Variants in SMARCA4 observed in about 807,000 individuals in gnomAD.
The protein encoded by SMARCA4 is SWI/SNF-related matrix-associated actin-dependent regulator of chromatin subfamily A member 4.
In SMARCA4, 31 loss-of-function variants were observed where a neutral mutation model predicts 193.9. The observed-to-expected ratio is 0.16, with a 90% confidence interval of 0.12 to 0.22. The LOEUF is 0.22. Ranked by LOEUF, SMARCA4 falls within the 10% of genes least tolerant of loss-of-function variation. SMARCA4 has a pLI of 1.00. For missense variants in SMARCA4, 1,148 were observed against 2,296.0 expected (o/e 0.50, Z 10.22); for synonymous variants, 942 against 933.1 (o/e 1.01, Z -0.17).
intron 13 of SMARCA4, among the ~76,000 whole-genome samples, chr19:11,004,470 C>T (rs909832408): frequency 1.3e-5 from 2 of 152,280 alleles, no homozygotes; most frequent in South Asian, 2.1e-4. Context: ...AGGCTGGTCT[C>T]GAACTGCTGA....
rs1270959049 is a variant in SMARCA4 at position 11,013,038 on chromosome 19, G to A, written c.2364G>A (p.Gln788=). ...ADEMGLGKTI[Q]TIALITYLME... ...AGATGGGCCTGGGGAAGACCATCCA[G>A]ACCATCGCGCTCATCACGTACCTCA... Residue 788 remains glutamine (Q), a synonymous_variant, in exon 16 of 35, where the codon CAG becomes CAA. Coordinates refer to ENST00000344626, the MANE Select transcript of SMARCA4 (RefSeq NM_003072.5). 1 of 1,614,180 alleles carries A rather than the reference G, an allele frequency of 6.2e-7. No individual in the cohort carries two copies. The highest frequency in any genetic ancestry group is 1.7e-5 in the Admixed American group (1 of 60,024).
At chr19:11,022,744 G>A (rs1228391290) in intron 19 of SMARCA4, among the ~76,000 whole-genome samples, 4 of 152,120 alleles carry the variant, frequency 2.6e-5, no homozygotes, top group South Asian at 4.1e-4. Context: ...CTGCCCTCTC[G>A]GCTGCTGGTC....
intron 11 of SMARCA4, 133 bp downstream of exon 11, chr19:10,996,677 C>T (rs1312433936): frequency 2.3e-6 from 2 of 873,786 alleles, no homozygotes; most frequent in Non-Finnish European, 3.8e-6. Context: ...CCAGGGTGTC[C>T]TCTGACGCCC....
At chr19:11,005,540 T>G (rs1248752724) in intron 13 of SMARCA4, among the ~76,000 whole-genome samples, 1 of 152,176 alleles carries the variant, frequency 6.6e-6, no homozygotes, top group Non-Finnish European at 1.5e-5. Flanking sequence ...CTTTGCTGAG[T>G]CCTTTGGCGT....
intron 1 of SMARCA4, among the ~76,000 whole-genome samples, chr19:10,970,925 A>T (rs117239870): frequency 0.025 from 3,777 of 152,250 alleles, 78 homozygotes; most frequent in Non-Finnish European, 0.041. Flanking sequence ...TGGGCCAGGC[A>T]CGGTGGCTCA....
Position 10,987,528 on chromosome 19 carries a change from A to G in SMARCA4, c.860-138A>G. 3 of 938,622 alleles carry G rather than the reference A, an allele frequency of 3.2e-6. 1 individual carries two copies. The South Asian group carries it at 4.4e-5, about 14-fold the overall frequency. The allele number at this position is 938,622 out of a possible 1,614,324, so 58.1% of individuals were successfully genotyped here. A position where few individuals can be genotyped will look rare whatever the true frequency, so the allele number is the denominator to read the frequency against. ...TTGGAGCCCAAGGCAGGTGTGAAGG[A>G]CACCCCTGGGTGAAAGGTGGGAGAT... On this transcript the variant is annotated intron_variant, in intron 5 of 34. Transcript: ENST00000344626. The surrounding 1 kb of genome is among the most constrained non-coding windows in gnomAD (Gnocchi z 5.3).
intron 1 of SMARCA4, among the ~76,000 whole-genome samples, chr19:10,972,035 A>G (rs1408523462): frequency 6.7e-6 from 1 of 149,872 alleles, no homozygotes; most frequent in Non-Finnish European, 1.5e-5. Context: ...AGCTCACTGC[A>G]ACCTCCGCCT....
chr19:11,018,872 C>A (rs1348631866), intron 16 of SMARCA4, 85 bp from the exon 17 acceptor site: 2 of 1,148,156 alleles, frequency 1.7e-6, no homozygotes, highest in South Asian at 1.2e-5. Context: ...GTTGGCCTCG[C>A]CCCTGACAGC....
intron 30 of SMARCA4, among the ~76,000 whole-genome samples, chr19:11,051,040 A>C (rs1600557631): frequency 6.6e-6 from 1 of 152,362 alleles, no homozygotes; most frequent in African/African-American, 2.4e-5. Context: ...TAACCATGGC[A>C]GAGGGCTCAG....
intron 30 of SMARCA4, among the ~76,000 whole-genome samples, chr19:11,047,062 C>G (rs1222713174): frequency 1.3e-5 from 2 of 151,304 alleles, no homozygotes; most frequent in African/African-American, 4.9e-5. Flanking sequence ...ATATTCTTAA[C>G]TAAATTTGAA....
At chr19:10,995,193 A>G (rs1285507902) in intron 9 of SMARCA4, 192 bp downstream of exon 9, 2 of 693,356 alleles carry the variant, frequency 2.9e-6, no homozygotes, top group African/African-American at 1.8e-5. Flanking sequence ...TCTGATCATC[A>G]GAATGACTGT....
At position 11,025,490 on chromosome 19, in the gene SMARCA4, C is replaced by T. The variant is rs143160246; in HGVS notation, c.3150C>T (p.Tyr1050=). Residue 1050 remains tyrosine (Y), a synonymous_variant, in exon 22 of 35, where the codon TAC becomes TAT. Coordinates refer to ENST00000344626, the MANE Select transcript of SMARCA4 (RefSeq NM_003072.5). ...MQLRKICNHP[Y]MFQHIEESFS... ...TGCGGAAGATCTGCAACCACCCCTA[C>T]ATGTTCCAGCACATCGAGGTGAGCC... 6.0e-5 allele frequency: 96 copies of T among 1,612,982 alleles called. No individual in the cohort carries two copies. Among genetic ancestry groups the T allele is most frequent in the Non-Finnish European group, 7.9e-5 (93 of 1,179,842 alleles).
At chr19:11,061,667 T>C (rs952530072) in intron 34 of SMARCA4, 117 bp from the exon 35 acceptor site, 55 of 1,016,696 alleles carry the variant, frequency 5.4e-5, no homozygotes, top group Admixed American at 1.2e-4. Context: ...TGAGCCACCG[T>C]GCCCGGCCCA....
At chr19:11,040,519 G>GA (rs1376944136) in intron 29 of SMARCA4, 1 of 150,834 alleles carries the variant, frequency 6.6e-6, no homozygotes, top group East Asian at 1.9e-4. Flanking sequence ...TTGAACCCAG[G>GA]AGGCGGAGGT....
At chr19:10,980,048 C>G (rs1405459588) in intron 1 of SMARCA4, among the ~76,000 whole-genome samples, 1 of 152,204 alleles carries the variant, frequency 6.6e-6, no homozygotes, top group African/African-American at 2.4e-5. Flanking sequence ...TCGGCCAGTG[C>G]TTGTTCAAGT....
chr19:11,009,846 GC>G (rs1411550406), intron 14 of SMARCA4, among the ~76,000 whole-genome samples: 1 of 151,986 alleles, frequency 6.6e-6, no homozygotes, highest in Admixed American at 6.6e-5. Context: ...CTGCCACCAC[GC>G]CCGGCTAATT....
In SMARCA4 at chr19:11,033,089, T is replaced by C; in HGVS notation, c.3547-201T>C. The C allele has an allele frequency of 1.5e-6, 1 of 652,442 alleles. No individual in the cohort carries two copies. The highest frequency in any genetic ancestry group is 1.8e-5 in the African/African-American group (1 of 56,236). The allele number at this position is 652,442 out of a possible 1,614,324, so 40.4% of individuals were successfully genotyped here. A position where few individuals can be genotyped will look rare whatever the true frequency, so the allele number is the denominator to read the frequency against. The stretch of plus-strand genomic sequence containing the variant: ...AGGTGGCACTTCTGGAGGAACGTGA[T>C]GAGAGTCCCCTTCCCCCGAGGGACA... On this transcript the variant is annotated intron_variant, in intron 25 of 34. Coordinates refer to ENST00000344626, the MANE Select transcript of SMARCA4 (RefSeq NM_003072.5). This position sits in a 1 kb window ranked among gnomAD's most constrained non-coding sequence, Gnocchi z 9.8.
chr19:11,026,083 G>A (rs1452202446), intron 22 of SMARCA4, among the ~76,000 whole-genome samples: 1 of 152,214 alleles, frequency 6.6e-6, no homozygotes, highest in African/African-American at 2.4e-5. Context: ...TGTATGGGAT[G>A]TCCTTTCCTT....
intron 7 of SMARCA4, among the ~76,000 whole-genome samples, chr19:10,989,659 G>A (rs2086380463): frequency 6.6e-6 from 1 of 151,450 alleles, no homozygotes; most frequent in Admixed American, 6.6e-5. Flanking sequence ...AGCACTTGCC[G>A]CCTCAAAGCA....
Sources: allele counts gnomAD v4.1 joint callset (sites outside exome capture counted in the v4.1 genomes callset), GRCh38; gene constraint gnomAD v4.1.1; non-coding constraint Gnocchi (gnomAD v3.1); transcripts MANE v1.5; gene names NCBI Gene and HGNC (gene_info 2026-07-23, HGNC 2026-07-21).